Variants in IGLON5 observed in about 807,000 individuals in gnomAD.
The protein encoded by IGLON5 is IgLON family member 5.
In IGLON5, 16 loss-of-function variants were observed where a neutral mutation model predicts 38.2. That is an observed-to-expected ratio of 0.42 (90% CI 0.28 to 0.64). IGLON5 has a LOEUF of 0.64. Among genes scored for constraint, IGLON5 ranks in the 30% least tolerant of loss-of-function variants. The probability of loss-of-function intolerance (pLI) is 0.23; values close to 1 mark genes in which losing one functional copy is unlikely to be tolerated. For missense variants in IGLON5, 366 were observed against 483.4 expected (o/e 0.76, Z 2.28); for synonymous variants, 207 against 216.4 (o/e 0.96, Z 0.38).
chr19:51,320,831 C>T (rs1240526299), intron 1 of IGLON5, among the ~76,000 whole-genome samples: 4 of 152,022 alleles, frequency 2.6e-5, no homozygotes, highest in Non-Finnish European at 5.9e-5. Context: ...TGTATGCCTT[C>T]GGTACATTTC....
At position 51,323,804 on chromosome 19, in the gene IGLON5, G is replaced by C. The variant is rs747283598; in HGVS notation, c.301G>C (p.Glu101Gln). 1 of 1,613,670 alleles carries C rather than the reference G, an allele frequency of 6.2e-7. No individual in the cohort carries two copies. The highest frequency in any genetic ancestry group is 8.5e-7 in the Non-Finnish European group (1 of 1,179,774). The change falls in exon 3 of 8, where the codon GAG becomes CAG. Residue 101 changes from glutamate (E) to glutamine (Q), a missense_variant. Glu to Gln is a conservative substitution (Grantham distance 29). Transcript: ENST00000270642. Reference sequence around the variant, plus strand: ...CGAGGAGTTCTCCATCCTCATCACCGAGGTGGGGCTCGGCGACGAGGGCCT... The same window carrying C: ...CGAGGAGTTCTCCATCCTCATCACCCAGGTGGGGCTCGGCGACGAGGGCCT... ...TPEEFSILIT[E>Q]VGLGDEGLYT...
Position 51,327,168 on chromosome 19 carries a change from C to G in IGLON5, c.735C>G (p.Pro245=), listed in dbSNP as rs373708171. The G allele has an allele frequency of 1.2e-6, 2 of 1,612,452 alleles. No individual in the cohort carries two copies. The highest frequency in any genetic ancestry group is 1.7e-4 in the Middle Eastern group (1 of 6,060). The change falls in exon 6 of 8, where the codon CCC becomes CCG. Residue 245 remains proline (P), a synonymous_variant. Coordinates refer to ENST00000270642, the MANE Select transcript of IGLON5 (RefSeq NM_001101372.3). The surrounding 1 kb of genome is among the most constrained non-coding windows in gnomAD (Gnocchi z 7.1). ...LLRCEAMAVP[P]ADFQWYKDDR... is the part of the protein sequence containing the mutation. ...GCTGCGAAGCCATGGCGGTTCCCCC[C>G]GCGGATTTCCAGTGGTACAAGGATG...
chr19:51,322,178 G>T (rs1162528480), intron 2 of IGLON5, 36 bp downstream of exon 2: 1 of 1,510,892 alleles, frequency 6.6e-7, no homozygotes, highest in Non-Finnish European at 9.2e-7. Context: ...CAGATCTCAT[G>T]GAGCCATGCG....
chr19:51,319,128 A>G (rs1476984237), intron 1 of IGLON5, among the ~76,000 whole-genome samples: 1 of 152,186 alleles, frequency 6.6e-6, no homozygotes, highest in Non-Finnish European at 1.5e-5. Context: ...TGTCAGCAGG[A>G]GCATAGCAAA....
rs1985259595 is a variant in IGLON5 at position 51,327,937 on chromosome 19, G to A, written c.922+51G>A. On this transcript the variant is annotated intron_variant, in intron 7 of 7. Transcript: ENST00000270642. The surrounding 1 kb of genome is among the most constrained non-coding windows in gnomAD (Gnocchi z 7.1). ...GGGAAGGTGGGCGGGGCCGGGGGCG[G>A]GGCTAGGGAAGTGGAGACGCCGGGA... The A allele has an allele frequency of 6.9e-7, 1 of 1,448,944 alleles. No individual in the cohort carries two copies. 89.8% of individuals were successfully genotyped at this position (1,448,944 alleles called of 1,614,324 possible). A position where few individuals can be genotyped will look rare whatever the true frequency, so the allele number is the denominator to read the frequency against.
rs565641457 is a variant in IGLON5 at position 51,320,274 on chromosome 19, T to G, written c.80-1790T>G. Among the ~76,000 whole-genome samples the G allele has an allele frequency of 2.6e-5, 4 of 152,232 alleles. No homozygotes were observed. In the East Asian group the frequency reaches 7.7e-4, roughly 29 times the overall value. On this transcript the variant is annotated intron_variant, in intron 1 of 7. Transcript: ENST00000270642. ...TGCCAACCCACTGCACCTGGCTCCG[T>G]CCTGGCCCCATCCTGTGGGGCTGCT... is the stretch of plus-strand genomic sequence containing the variant.
Position 51,323,705 on chromosome 19 carries a change from C to G in IGLON5, c.202C>G (p.Arg68Gly). The change falls in exon 3 of 8, where the codon CGC becomes GGC. Residue 68 changes from arginine (R) to glycine (G), a missense_variant. Arg to Gly is a moderately radical substitution (Grantham distance 125, BLOSUM62 -2). Transcript: ENST00000270642. ...CGTGACCCGCGTGGCCTGGCTGAAC[C>G]GCTCCAACATCCTGTATGCCGGCAA... ...EHVTRVAWLN[R>G]SNILYAGNDR... 6.2e-7 allele frequency: 1 copy of G among 1,613,846 alleles called. No individual in the cohort carries two copies. The highest frequency in any genetic ancestry group is 8.5e-7 in the Non-Finnish European group (1 of 1,179,834).
intron 4 of IGLON5, among the ~76,000 whole-genome samples, chr19:51,326,174 C>T (rs1985212037): frequency 6.6e-6 from 1 of 152,146 alleles, no homozygotes; most frequent in Non-Finnish European, 1.5e-5. Flanking sequence ...CACTAGATCC[C>T]ATTCCCTGAA....
chr19:51,313,641 C>CTTTTT (rs1400171308), intron 1 of IGLON5, among the ~76,000 whole-genome samples: 1 of 82,608 alleles, frequency 1.2e-5, no homozygotes, highest in African/African-American at 1.1e-4. Flanking sequence ...TTCTCTCTCT[C>CTTTTT]TCTCTTTTTC....
At position 51,327,675 on chromosome 19, in the gene IGLON5, C is replaced by CG; in HGVS notation, c.768-51dup. 6.5e-7 allele frequency: 1 copy of CG among 1,535,856 alleles called. No individual in the cohort carries two copies. Among genetic ancestry groups the CG allele is most frequent in the Non-Finnish European group, 8.7e-7 (1 of 1,146,758 alleles). On this transcript the variant is annotated intron_variant, in intron 6 of 7. Coordinates refer to ENST00000270642, the MANE Select transcript of IGLON5 (RefSeq NM_001101372.3). This position sits in a 1 kb window ranked among gnomAD's most constrained non-coding sequence, Gnocchi z 7.1. ...CCGGGGAACGGAGGAGCCTGAGAGT[C>CG]GGGGGGCTGGCCTGGCTGGGCGCTG...
chr19:51,327,120 G>T lies in IGLON5; in HGVS notation c.687G>T (p.Ala229=). ...TITDVTSART[A]LGRAALLRCE... is the part of the protein sequence containing the mutation. ...CGGACGTGACCAGCGCCCGCACCGC[G>T]CTGGGCCGGGCCGCCCTCCTGCGCT... is the stretch of plus-strand genomic sequence containing the variant. Residue 229 remains alanine, a synonymous_variant, in exon 6 of 8, where the codon GCG becomes GCT. Transcript: ENST00000270642. The surrounding 1 kb of genome is among the most constrained non-coding windows in gnomAD (Gnocchi z 7.1). 6.2e-7 allele frequency: 1 copy of T among 1,611,520 alleles called. No individual in the cohort carries two copies. Among genetic ancestry groups the T allele is most frequent in the Middle Eastern group, 1.7e-4 (1 of 6,054 alleles).
rs1271680188 is a variant in IGLON5, at chr19:51,322,049, C to A, written c.80-15C>A. The A allele has an allele frequency of 1.2e-6, 2 of 1,611,960 alleles. No homozygotes were observed. The highest frequency in any genetic ancestry group is 1.3e-5 in the African/African-American group (1 of 74,904). On this transcript the variant is annotated splice_polypyrimidine_tract_variant and intron_variant, in intron 1 of 7. Transcript: ENST00000270642. ...GCCTGAGCTGCCAAGGCTGAGCCAC[C>A]CCCACCTTCCACAGGGCTGCTCTCC...
Position 51,323,893 on chromosome 19 carries a change from C to T in IGLON5, c.390C>T (p.His130=), listed in dbSNP as rs781625612. 4.4e-6 allele frequency: 7 copies of T among 1,595,748 alleles called. No individual in the cohort carries two copies. The highest frequency in any genetic ancestry group is 1.1e-5 in the South Asian group (1 of 90,338). ...CCACTCAGGTCTACCTCATTGTCCA[C>T]GGTGAGCCCTTGGCCGGGGCCTGGC... is the stretch of plus-strand genomic sequence containing the variant. ...PYTTQVYLIV[H]VPARIVNISS... The change falls in exon 3 of 8, where the codon CAC becomes CAT. Residue 130 remains histidine, a splice_region_variant and synonymous_variant. Coordinates refer to ENST00000270642, the MANE Select transcript of IGLON5 (RefSeq NM_001101372.3).
In IGLON5 at chr19:51,311,862, G is replaced by T; in HGVS notation, c.15G>T (p.Ala5=). 5 of 1,318,168 alleles carry T rather than the reference G, an allele frequency of 3.8e-6. No homozygotes were observed. The highest frequency in any genetic ancestry group is 1.9e-5 in the South Asian group (1 of 52,010). The allele number at this position is 1,318,168 out of a possible 1,614,324, so 81.7% of individuals were successfully genotyped here. A position where few individuals can be genotyped will look rare whatever the true frequency, so the allele number is the denominator to read the frequency against. The change falls in exon 1 of 8, where the codon GCG becomes GCT. Residue 5 remains alanine, a synonymous_variant. Coordinates refer to ENST00000270642, the MANE Select transcript of IGLON5 (RefSeq NM_001101372.3). ...CCTCTGCCGCGATGCCCCCCCCTGC[G>T]CCCGGGGCCCGGCTCCGGCTTCTCG... MPPP[A]PGARLRLLAA...
intron 1 of IGLON5, among the ~76,000 whole-genome samples, chr19:51,312,303 G>A (rs1313697088): frequency 6.6e-6 from 1 of 151,300 alleles, no homozygotes; most frequent in Non-Finnish European, 1.5e-5. Context: ...TCCGAACTGA[G>A]TTGGGGTGGG....
At chr19:51,321,047 A>C (rs576994706) in intron 1 of IGLON5, among the ~76,000 whole-genome samples, 1 of 152,104 alleles carries the variant, frequency 6.6e-6, no homozygotes, top group East Asian at 1.9e-4. Flanking sequence ...GTGTGTATAC[A>C]TGTATCTGTG....
chr19:51,323,654 C>T lies in IGLON5; in HGVS notation c.159-8C>T. On this transcript the variant is annotated splice_region_variant and splice_polypyrimidine_tract_variant and intron_variant, in intron 2 of 7. Transcript: ENST00000270642. ...GGAGAAAAACCTTCCCACTCATTCTCCCTGCAGCTGCTTCATCGACGAGCA... is the reference window on the plus strand; with the variant it reads ...GGAGAAAAACCTTCCCACTCATTCTTCCTGCAGCTGCTTCATCGACGAGCA... The T allele has an allele frequency of 6.2e-7, 1 of 1,603,972 alleles. No homozygotes were observed. Among genetic ancestry groups the T allele is most frequent in the Non-Finnish European group, 8.5e-7 (1 of 1,172,252 alleles).
At position 51,327,870 on chromosome 19, in the gene IGLON5, C is replaced by A. The variant is rs775728589; in HGVS notation, c.906C>A (p.Ala302=). Residue 302 remains alanine (A), a synonymous_variant, in exon 7 of 8, where the codon GCC becomes GCA. Coordinates refer to ENST00000270642, the MANE Select transcript of IGLON5 (RefSeq NM_001101372.3). The surrounding 1 kb of genome is among the most constrained non-coding windows in gnomAD (Gnocchi z 7.1). ...CCAACCGACTGGGAGCGTCCAGCGCCTCCATGCGGCTCCTGCGTGCGTCTT... is the reference window on the plus strand; with the variant it reads ...CCAACCGACTGGGAGCGTCCAGCGCATCCATGCGGCTCCTGCGTGCGTCTT... ...RAANRLGASS[A]SMRLLRPGSL... is the part of the protein sequence containing the mutation. The A allele has an allele frequency of 2.6e-6, 4 of 1,525,274 alleles. No homozygotes were observed. The South Asian group carries it at 4.9e-5, about 19-fold the overall frequency. The allele number at this position is 1,525,274 out of a possible 1,614,324, so 94.5% of individuals were successfully genotyped here. A position where few individuals can be genotyped will look rare whatever the true frequency, so the allele number is the denominator to read the frequency against.
Position 51,327,604 on chromosome 19 carries a change from AC to A in IGLON5, c.768-125del. 7.4e-7 allele frequency: 1 copy of A among 1,354,760 alleles called. No homozygotes were observed. The highest frequency in any genetic ancestry group is 9.9e-7 in the Non-Finnish European group (1 of 1,010,450). 83.9% of individuals were successfully genotyped at this position (1,354,760 alleles called of 1,614,324 possible). A position where few individuals can be genotyped will look rare whatever the true frequency, so the allele number is the denominator to read the frequency against. On this transcript the variant is annotated intron_variant, in intron 6 of 7. Coordinates refer to ENST00000270642, the MANE Select transcript of IGLON5 (RefSeq NM_001101372.3). This position sits in a 1 kb window ranked among gnomAD's most constrained non-coding sequence, Gnocchi z 7.1. ...GACCCGAGGTACATGAGGTGCTAGAACCCGAGGCGATGGGTCACTGGGGTAG... is the reference window on the plus strand; with the variant it reads ...GACCCGAGGTACATGAGGTGCTAGAACCGAGGCGATGGGTCACTGGGGTAG...
Sources: allele counts gnomAD v4.1 joint callset (sites outside exome capture counted in the v4.1 genomes callset), GRCh38; gene constraint gnomAD v4.1.1; non-coding constraint Gnocchi (gnomAD v3.1); transcripts MANE v1.5; gene names NCBI Gene and HGNC (gene_info 2026-07-23, HGNC 2026-07-21).